Variants in ARHGAP8 observed in about 807,000 individuals in gnomAD.
ARHGAP8 encodes rho GTPase-activating protein 8.
A neutral mutation model predicts 46.1 loss-of-function variants in ARHGAP8; 62 were observed. The ratio of observed to expected loss-of-function variants is 1.34; its 90% CI spans 1.10 to 1.66. The LOEUF is 1.66. Among genes scored for constraint, ARHGAP8 ranks in the 40% most tolerant of loss-of-function variants. The pLI, the probability that ARHGAP8 is intolerant of heterozygous loss-of-function variation, is 0.00. For missense variants in ARHGAP8, 923 were observed against 568.4 expected, an observed-to-expected ratio of 1.62 and a Z score of -6.34; for synonymous variants, 375 against 243.1, an observed-to-expected ratio of 1.54 and a Z score of -5.05.
At chr22:44,838,254 C>T (rs113886494) in intron 7 of ARHGAP8, among the ~76,000 whole-genome samples, 2,890 of 152,090 alleles carry the variant, frequency 0.019, 45 homozygotes, top group Middle Eastern at 0.048. Flanking sequence ...TCTCCTGCCT[C>T]AACCTCCTAA....
chr22:44,852,994 G>C (rs2070134482), intron 10 of ARHGAP8, among the ~76,000 whole-genome samples: 1 of 152,152 alleles, frequency 6.6e-6, no homozygotes, highest in Non-Finnish European at 1.5e-5. Flanking sequence ...AGTAGAGACA[G>C]CATTTCACTG....
Position 44,825,424 on chromosome 22 carries a change from C to G in ARHGAP8, c.486-59C>G. 4 of 1,566,236 alleles carry G rather than the reference C, an allele frequency of 2.6e-6. No homozygotes were observed. In the South Asian group the frequency reaches 4.6e-5, roughly 18 times the overall value. On this transcript the variant is annotated intron_variant, in intron 6 of 11. Transcript: ENST00000356099. ...GTGGGGCATCCAGCCCCACCCAGCG[C>G]CTCCGTGGCTGCCAGCTGCCCCTGC...
At chr22:44,764,649 C>G (rs1304483911) in intron 1 of ARHGAP8, among the ~76,000 whole-genome samples, 1 of 152,206 alleles carries the variant, frequency 6.6e-6, no homozygotes, top group African/African-American at 2.4e-5. Context: ...TGTGTTCCTC[C>G]TTTACAGTGT....
At chr22:44,837,675 CCT>C (rs1931379227) in intron 7 of ARHGAP8, among the ~76,000 whole-genome samples, 1 of 152,146 alleles carries the variant, frequency 6.6e-6, no homozygotes, top group African/African-American at 2.4e-5. Flanking sequence ...ATTGAACAAG[CCT>C]CTCTCTCCGA....
chr22:44,825,971 G>T (rs1465034825), intron 7 of ARHGAP8, among the ~76,000 whole-genome samples: 3 of 147,052 alleles, frequency 2.0e-5, no homozygotes, highest in African/African-American at 5.0e-5. Context: ...TGATTGGGGG[G>T]ACCGGCAGTG....
chr22:44,822,350 C>G (rs752014327), intron 5 of ARHGAP8, 21 bp from the exon 6 acceptor site: 3 of 1,574,834 alleles, frequency 1.9e-6, no homozygotes, highest in Admixed American at 1.9e-5. Context: ...GTTCTTTATT[C>G]TCTTGCTTCT....
intron 1 of ARHGAP8, chr22:44,765,880 T>G (rs1414979352): frequency 2.6e-5 from 4 of 152,512 alleles, no homozygotes; most frequent in Middle Eastern, 3.4e-3. Flanking sequence ...AAGGGGCAGC[T>G]CCCCGAAGGG....
intron 5 of ARHGAP8, among the ~76,000 whole-genome samples, chr22:44,815,725 G>A (rs1929691943): frequency 6.6e-6 from 1 of 152,150 alleles, no homozygotes; most frequent in Non-Finnish European, 1.5e-5. Flanking sequence ...TCAGTATTGG[G>A]AAGCAAGAGC....
At chr22:44,835,344 G>T (rs1184668324) in intron 7 of ARHGAP8, among the ~76,000 whole-genome samples, 1 of 152,060 alleles carries the variant, frequency 6.6e-6, no homozygotes, top group Non-Finnish European at 1.5e-5. Flanking sequence ...GTGGAGCCAG[G>T]CGTGGTGGCT....
At position 44,848,930 on chromosome 22, in the gene ARHGAP8, A is replaced by G; in HGVS notation, c.749-2A>G. On this transcript the variant is annotated splice_acceptor_variant, in intron 9 of 11. Coordinates refer to ENST00000356099, the MANE Select transcript of ARHGAP8 (RefSeq NM_181335.3). LOFTEE classifies it high-confidence loss of function. ...CTCAGCAGTGCTGTGTTGTGTGTGC[A>G]GGGAAGCCCGTGAACTTTGACGACT... is the stretch of plus-strand genomic sequence containing the variant. The G allele has an allele frequency of 6.2e-7, 1 of 1,614,104 alleles. No individual in the cohort carries two copies. Among genetic ancestry groups the G allele is most frequent in the Non-Finnish European group, 8.5e-7 (1 of 1,180,002 alleles).
At chr22:44,758,225 C>T (rs552492360) in intron 1 of ARHGAP8, among the ~76,000 whole-genome samples, 3 of 152,170 alleles carry the variant, frequency 2.0e-5, no homozygotes, top group African/African-American at 4.8e-5. Context: ...CCGAGGCAGG[C>T]AGATCACAAG....
rs1470148203 is a variant in ARHGAP8, at chr22:44,786,498, G to T, written c.-30G>T. On this transcript the variant is annotated 5_prime_UTR_variant, in exon 2 of 12. Coordinates refer to ENST00000356099, the MANE Select transcript of ARHGAP8 (RefSeq NM_181335.3). ...GGCGGCGGCGGCTGCTGTGCTGGGT[G>T]CAGTGAGGAAGAGGCCCTCGGTGGT... 6.2e-7 allele frequency: 1 copy of T among 1,612,620 alleles called. No individual in the cohort carries two copies. Among genetic ancestry groups the T allele is most frequent in the Non-Finnish European group, 8.5e-7 (1 of 1,179,560 alleles).
intron 10 of ARHGAP8, among the ~76,000 whole-genome samples, chr22:44,858,054 T>TA (rs2147189644): frequency 6.6e-6 from 1 of 152,342 alleles, no homozygotes; most frequent in African/African-American, 2.4e-5. Context: ...TCGGTTGAAA[T>TA]ACTCATTTCA....
At chr22:44,857,633 C>G (rs984719272) in intron 10 of ARHGAP8, among the ~76,000 whole-genome samples, 1 of 152,118 alleles carries the variant, frequency 6.6e-6, no homozygotes, top group East Asian at 1.9e-4. Context: ...GACATGCCAT[C>G]TTCAGAGATG....
intron 10 of ARHGAP8, among the ~76,000 whole-genome samples, chr22:44,854,105 C>A (rs1245293093): frequency 1.4e-5 from 2 of 142,496 alleles, no homozygotes; most frequent in African/African-American, 5.2e-5. Context: ...TGAGAGAATT[C>A]CTCTCTTCTC....
intron 2 of ARHGAP8, among the ~76,000 whole-genome samples, chr22:44,797,479 C>G (rs1024894441): frequency 6.6e-6 from 1 of 152,184 alleles, no homozygotes; most frequent in Non-Finnish European, 1.5e-5. Flanking sequence ...CCTGAAAACT[C>G]CCACTTGGCA....
chr22:44,823,075 A>C (rs949820888), intron 6 of ARHGAP8, among the ~76,000 whole-genome samples: 4 of 152,224 alleles, frequency 2.6e-5, no homozygotes, highest in Non-Finnish European at 5.9e-5. Flanking sequence ...CCTTTGAAGG[A>C]GCAGGCCCTT....
At chr22:44,785,614 G>A (rs1459510672) in intron 1 of ARHGAP8, among the ~76,000 whole-genome samples, 3 of 152,148 alleles carry the variant, frequency 2.0e-5, no homozygotes, top group Non-Finnish European at 2.9e-5. Context: ...CCGAGCTCCA[G>A]GAGGAATACT....
At chr22:44,763,797 CTTTTCTTTT>C (rs1241059517) in intron 1 of ARHGAP8, among the ~76,000 whole-genome samples, 1 of 117,220 alleles carries the variant, frequency 8.5e-6, no homozygotes, top group Non-Finnish European at 1.8e-5. Flanking sequence ...TTTTCTTTTT[CTTTTCTTTT>C]TTTTTTTTTT....
Sources: gnomAD v4.1 joint callset for allele counts (sites outside exome capture counted in the v4.1 genomes callset) on GRCh38, gnomAD v4.1.1 for gene constraint, MANE v1.5 for transcripts, NCBI Gene and HGNC (gene_info 2026-07-23, HGNC 2026-07-21) for gene names.